Variants in RBBP8NL observed in about 807,000 individuals in gnomAD.
RBBP8NL encodes the protein RBBP8 N-terminal like.
In RBBP8NL, 59 loss-of-function variants were observed where a neutral mutation model predicts 62.2. That is an observed-to-expected ratio of 0.95 (90% confidence interval 0.77 to 1.18). The LOEUF is 1.18. Among genes scored for constraint, RBBP8NL ranks in the 50% most tolerant of loss-of-function variants. The probability of loss-of-function intolerance (pLI) is 0.00; values close to 1 mark genes in which losing one functional copy is unlikely to be tolerated. For missense variants in RBBP8NL, 896 were observed against 899.5 expected, an observed-to-expected ratio of 1.00 and a Z score of 0.05; for synonymous variants, 412 against 394.1, an observed-to-expected ratio of 1.05 and a Z score of -0.54.
chr20:62,424,260 A>G (rs144670439), intron 1 of RBBP8NL, among the ~76,000 whole-genome samples: 35 of 147,130 alleles, frequency 2.4e-4, no homozygotes, highest in African/African-American at 6.6e-4. Context: ...CAGGCTAGTG[A>G]GCCGCTGTCC....
At chr20:62,420,483 A>G (rs1313668012) in intron 1 of RBBP8NL, among the ~76,000 whole-genome samples, 1 of 151,976 alleles carries the variant, frequency 6.6e-6, no homozygotes, top group African/African-American at 2.4e-5. Flanking sequence ...ACAAAGACAG[A>G]CACACCACAC....
At position 62,417,248 on chromosome 20, in the gene RBBP8NL, T is replaced by G. The variant is rs757905753; in HGVS notation, c.176A>C (p.Glu59Ala). ...QLREQQKTLKENLRVLENRLR... is the reference protein window; with the variant it reads ...QLREQQKTLKANLRVLENRLR... ...CCTGTTCTCCAGCACCCGCAGGTTC[T>G]CCTTCAGTGTCTTCTGCTGTTCCCG... is the stretch of plus-strand genomic sequence containing the variant. Residue 59 changes from glutamate to alanine, a missense_variant, in exon 4 of 14, where the codon GAG becomes GCG. Transcript: ENST00000252998. 3 of 1,605,978 alleles carry G rather than the reference T, an allele frequency of 1.9e-6. No homozygotes were observed. Among genetic ancestry groups the G allele is most frequent in the Non-Finnish European group, 2.6e-6 (3 of 1,176,298 alleles).
At position 62,419,891 on chromosome 20, in the gene RBBP8NL, G is replaced by A. The variant is rs182333474; in HGVS notation, c.-83-161C>T. On this transcript the variant is annotated intron_variant, in intron 1 of 13. Coordinates refer to ENST00000252998, the MANE Select transcript of RBBP8NL (RefSeq NM_080833.3). Reference sequence around the variant, plus strand: ...TGGCCTGGAGGCTCCCGAACCCCACGGGCAGGCACAGAGATAGTACATTGT... The same window carrying A: ...TGGCCTGGAGGCTCCCGAACCCCACAGGCAGGCACAGAGATAGTACATTGT... Among the ~76,000 whole-genome samples, 9 of 152,312 alleles carry A rather than the reference G, an allele frequency of 5.9e-5. No homozygotes were observed. In the East Asian group the frequency reaches 1.5e-3, roughly 26 times the overall value.
chr20:62,425,858 C>T (rs552433524), intron 1 of RBBP8NL, among the ~76,000 whole-genome samples: 15 of 152,380 alleles, frequency 9.8e-5, no homozygotes, highest in South Asian at 2.1e-4. Flanking sequence ...CCAGGAGCAA[C>T]GGTGATGGCC....
In RBBP8NL at chr20:62,418,412, G is replaced by A. The variant is rs556370124; in HGVS notation, c.104+11C>T. On this transcript the variant is annotated intron_variant, in intron 3 of 13. Transcript: ENST00000252998. ...TCCCTGTGAGGAGGGGCCCTGCTTGGCCTGACTCACCGGCACCTCTCTGAG... is the reference window on the plus strand; with the variant it reads ...TCCCTGTGAGGAGGGGCCCTGCTTGACCTGACTCACCGGCACCTCTCTGAG... The A allele has an allele frequency of 1.8e-5, 28 of 1,550,330 alleles. No individual in the cohort carries two copies. In the South Asian group the frequency reaches 3.0e-4, roughly 16 times the overall value.
At chr20:62,413,204 C>T (rs1014012420) in intron 11 of RBBP8NL, among the ~76,000 whole-genome samples, 197 bp downstream of exon 11, 6 of 152,278 alleles carry the variant, frequency 3.9e-5, no homozygotes, top group African/African-American at 1.2e-4. Flanking sequence ...GTTAGAGAGG[C>T]TCCTGCCAGG....
At chr20:62,411,070 C>T in intron 13 of RBBP8NL, 74 bp from the exon 14 acceptor site, 1 of 943,540 alleles carries the variant, frequency 1.1e-6, no homozygotes, top group Non-Finnish European at 1.7e-6. Flanking sequence ...TCACCTAGGG[C>T]CTCCTGGGTC....
chr20:62,420,885 G>C (rs1988682689), intron 1 of RBBP8NL, among the ~76,000 whole-genome samples: 1 of 152,266 alleles, frequency 6.6e-6, no homozygotes, highest in African/African-American at 2.4e-5. Flanking sequence ...CCAGAATTAA[G>C]GGGCCGTGGG....
intron 1 of RBBP8NL, among the ~76,000 whole-genome samples, chr20:62,425,121 G>C (rs1988779043): frequency 6.6e-6 from 1 of 152,192 alleles, no homozygotes; most frequent in African/African-American, 2.4e-5. Context: ...AGGCTGCTTA[G>C]AAGCTCCTCA....
In RBBP8NL at chr20:62,410,841, C is replaced by T; in HGVS notation, c.*37G>A. Reference sequence around the variant, plus strand: ...CAGGCCCTGGTGGGCAGGTGGAGGGCTGCCCCGGGCTCGCTGTGGACCCTG... The same window carrying T: ...CAGGCCCTGGTGGGCAGGTGGAGGGTTGCCCCGGGCTCGCTGTGGACCCTG... On this transcript the variant is annotated 3_prime_UTR_variant, in exon 14 of 14. Transcript: ENST00000252998. 1 of 1,448,204 alleles carries T rather than the reference C, an allele frequency of 6.9e-7. No individual in the cohort carries two copies. The highest frequency in any genetic ancestry group is 1.4e-5 in the African/African-American group (1 of 71,884). 89.7% of individuals were successfully genotyped at this position (1,448,204 alleles called of 1,614,324 possible).
chr20:62,416,327 C>A, intron 5 of RBBP8NL, 91 bp from the exon 6 acceptor site: 1 of 1,168,826 alleles, frequency 8.6e-7, no homozygotes, highest in Non-Finnish European at 1.2e-6. Context: ...AGCCCCTCAG[C>A]AGTGCCCCCA....
Position 62,413,886 on chromosome 20 carries a change from G to A in RBBP8NL, c.1465C>T (p.Gln489Ter), listed in dbSNP as rs1183937095. The A allele has an allele frequency of 6.3e-7, 1 of 1,595,136 alleles. No homozygotes were observed. Among genetic ancestry groups the A allele is most frequent in the Non-Finnish European group, 8.5e-7 (1 of 1,171,630 alleles). ...TQSGPLTRSP[Q>*]ALSNGTKGTR... ...CCCTTGGTGCCATTGCTGAGTGCCT[G>A]GGGACTGCGAGTCAGGGGTCCGGAC... Residue 489 changes from glutamine (Q) to a stop codon, truncating the protein, a stop_gained, in exon 10 of 14, where the codon CAG becomes TAG. Transcript: ENST00000252998. LOFTEE classifies it high-confidence loss of function.
chr20:62,426,307 C>A (rs1988807280), intron 1 of RBBP8NL, among the ~76,000 whole-genome samples: 1 of 152,272 alleles, frequency 6.6e-6, no homozygotes, highest in African/African-American at 2.4e-5. Context: ...AACCATCCTG[C>A]AGCTTTGCTG....
Position 62,413,525 on chromosome 20 carries a change from T to C in RBBP8NL, c.1551A>G (p.Pro517=). 3 of 1,524,068 alleles carry C rather than the reference T, an allele frequency of 2.0e-6. No individual in the cohort carries two copies. Among genetic ancestry groups the C allele is most frequent in the Non-Finnish European group, 2.6e-6 (3 of 1,142,422 alleles). 94.4% of individuals were successfully genotyped at this position (1,524,068 alleles called of 1,614,324 possible). ...GAGAGGACAGGCTGAGCTGGGACCC[T>C]GGAAGTGGGCGTGAGGGGTCCTGGG... ...STPMDPSRPL[P]GSQLSLSSPG... is the part of the protein sequence containing the mutation. The change falls in exon 11 of 14, where the codon CCA becomes CCG. Residue 517 remains proline (P), a synonymous_variant. Coordinates refer to ENST00000252998, the MANE Select transcript of RBBP8NL (RefSeq NM_080833.3).
chr20:62,425,578 T>C (rs1384296149), intron 1 of RBBP8NL, among the ~76,000 whole-genome samples: 1 of 152,196 alleles, frequency 6.6e-6, no homozygotes, highest in African/African-American at 2.4e-5. Context: ...TACCCTGTCC[T>C]CTGGGAGGCC....
rs1318107347 is a variant in RBBP8NL, at chr20:62,410,641, G to A, written c.*237C>T. 1.8e-6 allele frequency: 1 copy of A among 549,358 alleles called. No homozygotes were observed. The highest frequency in any genetic ancestry group is 2.5e-5 in the South Asian group (1 of 39,892). The allele number at this position is 549,358 out of a possible 1,614,324, so 34.0% of individuals were successfully genotyped here. A position where few individuals can be genotyped will look rare whatever the true frequency, so the allele number is the denominator to read the frequency against. ...AGCCCCTCTTGAAGTGGGCCAGGAT[G>A]TGCCCGTCACCGGCTCTTCGGGGTT... On this transcript the variant is annotated 3_prime_UTR_variant, in exon 14 of 14. Coordinates refer to ENST00000252998, the MANE Select transcript of RBBP8NL (RefSeq NM_080833.3).
intron 1 of RBBP8NL, among the ~76,000 whole-genome samples, chr20:62,425,103 C>T (rs371747217): frequency 1.3e-5 from 2 of 152,182 alleles, no homozygotes; most frequent in Non-Finnish European, 2.9e-5. Flanking sequence ...CACCCCTGCC[C>T]CTGTATCAGG....
At chr20:62,415,995 A>G in intron 6 of RBBP8NL, 50 bp from the exon 7 acceptor site, 1 of 1,491,358 alleles carries the variant, frequency 6.7e-7, no homozygotes. Flanking sequence ...GCATCTCGGG[A>G]GATGATCAGA....
At position 62,416,341 on chromosome 20, in the gene RBBP8NL, C is replaced by T. The variant is rs565555177; in HGVS notation, c.314-105G>A. 1.2e-4 allele frequency: 125 copies of T among 1,047,264 alleles called. 2 individuals are homozygous for T. In the South Asian group the frequency reaches 1.4e-3, roughly 11 times the overall value. 64.9% of individuals were successfully genotyped at this position (1,047,264 alleles called of 1,614,324 possible). On this transcript the variant is annotated intron_variant, in intron 5 of 13. Transcript: ENST00000252998. Reference sequence around the variant, plus strand: ...AAGCCCCTCAGCAGTGCCCCCAGCACGTAGCCCAGGGCCTGGCAGGCAGCA... The same window carrying T: ...AAGCCCCTCAGCAGTGCCCCCAGCATGTAGCCCAGGGCCTGGCAGGCAGCA...
Sources: gnomAD v4.1 joint callset for allele counts (sites outside exome capture counted in the v4.1 genomes callset) on GRCh38, gnomAD v4.1.1 for gene constraint, MANE v1.5 for transcripts, NCBI Gene and HGNC (gene_info 2026-07-23, HGNC 2026-07-21) for gene names.